The following UNC79 variants were observed in gnomAD, a reference collection of about 807,000 sequenced individuals.
UNC79 encodes the protein unc-79 subunit of NALCN channel complex.
In UNC79, 37 loss-of-function variants were observed where a neutral mutation model predicts 283.1. The ratio of observed to expected loss-of-function variants is 0.13; its 90% CI spans 0.10 to 0.17. The LOEUF (loss-of-function observed/expected upper bound fraction) is 0.17, where lower values mean the gene tolerates loss of function less well. UNC79 is among the 10% of genes least tolerant of loss of function. The pLI, the probability that UNC79 is intolerant of heterozygous loss-of-function variation, is 1.00. For missense variants in UNC79, 2,272 were observed against 3,211.1 expected (o/e 0.71, Z 7.07); for synonymous variants, 1,107 against 1,200.2 (o/e 0.92, Z 1.61).
intron 23 of UNC79, among the ~76,000 whole-genome samples, chr14:93,597,023 T>C (rs2065129103): frequency 1.3e-5 from 2 of 152,152 alleles, no homozygotes; most frequent in Admixed American, 6.5e-5. Context: ...GAAAGAAGCA[T>C]AGAGGCATTT....
In UNC79 at chr14:93,574,191, A is replaced by G. The variant is rs1267775256; in HGVS notation, c.2071-867A>G. ...GTGCTCTTTGGGGATAAGCCCATACAGCTTTGTCCCCCCCTATAGCTACAG... is the reference window on the plus strand; with the variant it reads ...GTGCTCTTTGGGGATAAGCCCATACGGCTTTGTCCCCCCCTATAGCTACAG... On this transcript the variant is annotated intron_variant, in intron 16 of 48. Coordinates refer to ENST00000555664, the Ensembl canonical transcript of UNC79. Among the ~76,000 whole-genome samples the G allele has an allele frequency of 8.2e-5, 4 of 48,862 alleles. No homozygotes were observed. The Admixed American group carries it at 9.8e-4, about 12-fold the overall frequency. The allele number at this position is 48,862 out of a possible 152,430, so 32.1% of individuals were successfully genotyped here.
At chr14:93,411,070 G>T (rs565220655) in intron 1 of UNC79, among the ~76,000 whole-genome samples, 37 of 152,230 alleles carry the variant, frequency 2.4e-4, no homozygotes, top group Non-Finnish European at 4.4e-4. Flanking sequence ...GAGTCAGAGG[G>T]GAGCGCATTG....
intron 7 of UNC79, among the ~76,000 whole-genome samples, chr14:93,497,847 G>A (rs1595653968): frequency 3.3e-5 from 5 of 152,104 alleles, no homozygotes; most frequent in South Asian, 2.1e-4. Context: ...TTAGCTGGGC[G>A]TGGTGGTGCA....
At chr14:93,351,445 G>T (rs2053978889) in intron 1 of UNC79, among the ~76,000 whole-genome samples, 1 of 152,022 alleles carries the variant, frequency 6.6e-6, no homozygotes, top group East Asian at 1.9e-4. Context: ...ATTGTTTGAG[G>T]ATATACAAGT....
chr14:93,572,029 G>T, exon 15 of UNC79: 1 of 1,614,226 alleles, frequency 6.2e-7, no homozygotes, highest in Non-Finnish European at 8.5e-7. Flanking sequence ...ATGGCTGGAA[G>T]CCATCAGAAC....
intron 14 of UNC79, among the ~76,000 whole-genome samples, chr14:93,552,773 G>A (rs2061964015): frequency 6.6e-6 from 1 of 152,106 alleles, no homozygotes; most frequent in Admixed American, 6.5e-5. Context: ...AAAGCTGTGA[G>A]CCTAGCTATG....
chr14:93,420,107 C>G (rs1463365615), intron 1 of UNC79, among the ~76,000 whole-genome samples: 1 of 149,894 alleles, frequency 6.7e-6, no homozygotes, highest in Non-Finnish European at 1.5e-5. Context: ...TAAGTCCTTA[C>G]TTATCAATAA....
At chr14:93,629,317 T>G (rs1412776717) in intron 30 of UNC79, among the ~76,000 whole-genome samples, 3 of 152,178 alleles carry the variant, frequency 2.0e-5, no homozygotes, top group African/African-American at 4.8e-5. Context: ...ATTGGTGAGA[T>G]TATTAGGCGT....
At chr14:93,601,860 T>G (rs946599678) in intron 25 of UNC79, among the ~76,000 whole-genome samples, 9 of 152,222 alleles carry the variant, frequency 5.9e-5, no homozygotes, top group Non-Finnish European at 1.2e-4. Context: ...TTAGTGATGT[T>G]GAGCATTTTT....
At chr14:93,435,412 A>G (rs2140109062) in intron 1 of UNC79, among the ~76,000 whole-genome samples, 1 of 152,188 alleles carries the variant, frequency 6.6e-6, no homozygotes, top group East Asian at 1.9e-4. Flanking sequence ...CTGCCTTTTG[A>G]AAATTAGCTT....
intron 1 of UNC79, among the ~76,000 whole-genome samples, chr14:93,394,356 A>C (rs941802917): frequency 3.9e-5 from 3 of 76,002 alleles, no homozygotes; most frequent in African/African-American, 7.6e-5. Context: ...ATTGTCTTTT[A>C]TTTTATTTTA....
At chr14:93,429,323 A>G (rs940398261), upstream of UNC79, among the ~76,000 whole-genome samples, 1 of 152,220 alleles carries the variant, frequency 6.6e-6, no homozygotes, top group Non-Finnish European at 1.5e-5. Flanking sequence ...GGAATGAACA[A>G]TGACATGGAA....
chr14:93,357,708 T>TATATGGATATATGG (rs1566889632), intron 1 of UNC79, among the ~76,000 whole-genome samples: 9 of 128,970 alleles, frequency 7.0e-5, no homozygotes, highest in Admixed American at 1.6e-4. Context: ...TATATATATA[T>TATATGGATATATGG]ATATATATAT....
chr14:93,542,708 C>T lies in UNC79; in HGVS notation c.1755+12C>T. 6.2e-7 allele frequency: 1 copy of T among 1,613,828 alleles called. No individual in the cohort carries two copies. The highest frequency in any genetic ancestry group is 8.5e-7 in the Non-Finnish European group (1 of 1,179,682). On this transcript the variant is annotated intron_variant, in intron 14 of 48. Transcript: ENST00000555664. ...TGGAATTTGCCAGGGTAAGTGGAGG[C>T]CTACAGCTCACACCTTGTTAGAGAG...
intron 22 of UNC79, among the ~76,000 whole-genome samples, chr14:93,592,383 C>G: frequency 6.6e-6 from 1 of 151,896 alleles, no homozygotes. Context: ...ACTGTGTTAG[C>G]CAGGATGGTC....
chr14:93,479,887 G>A (rs1452515556), intron 4 of UNC79, among the ~76,000 whole-genome samples: 2 of 152,148 alleles, frequency 1.3e-5, no homozygotes, highest in African/African-American at 4.8e-5. Flanking sequence ...TCTTGCCTCA[G>A]GCTCCAAAGT....
intron 14 of UNC79, among the ~76,000 whole-genome samples, chr14:93,548,391 C>T (rs1010160474): frequency 1.3e-5 from 2 of 152,164 alleles, no homozygotes; most frequent in Non-Finnish European, 2.9e-5. Flanking sequence ...AGGTTTCACC[C>T]TAAGAACTTT....
chr14:93,692,604 C>T (rs2074782969), intron 46 of UNC79, among the ~76,000 whole-genome samples: 1 of 152,166 alleles, frequency 6.6e-6, no homozygotes, highest in African/African-American at 2.4e-5. Context: ...GCCTCAAAGC[C>T]TGAAAAGAGC....
At chr14:93,502,538 A>G (rs998785635) in intron 7 of UNC79, among the ~76,000 whole-genome samples, 13 of 152,348 alleles carry the variant, frequency 8.5e-5, no homozygotes, top group Admixed American at 7.2e-4. Flanking sequence ...GTTTCTTGAC[A>G]ATGAAAATAG....
Sources: allele counts gnomAD v4.1 joint callset (sites outside exome capture counted in the v4.1 genomes callset), GRCh38; gene constraint gnomAD v4.1.1; transcripts MANE v1.5; gene names NCBI Gene and HGNC (gene_info 2026-07-23, HGNC 2026-07-21).